Variants in ANKRD26 observed in about 807,000 individuals in gnomAD.
ANKRD26 encodes ankyrin repeat domain-containing protein 26.
A neutral mutation model predicts 208.7 loss-of-function variants in ANKRD26; 141 were observed. The ratio of observed to expected loss-of-function variants is 0.68; its 90% CI spans 0.59 to 0.78. The LOEUF is 0.78. Among genes scored for constraint, ANKRD26 ranks in the 30% least tolerant of loss-of-function variants. The pLI is 0.00. For missense variants in ANKRD26, 1,889 were observed against 1,938.7 expected, an observed-to-expected ratio of 0.97 and a Z score of 0.48; for synonymous variants, 636 against 660.4, an observed-to-expected ratio of 0.96 and a Z score of 0.57.
At chr10:26,972,641 A>AGT (rs1328425227), downstream of ANKRD26, among the ~76,000 whole-genome samples, 1 of 133,204 alleles carries the variant, frequency 7.5e-6, no homozygotes, top group African/African-American at 3.0e-5. Flanking sequence ...CCCAGGCTGG[A>AGT]GTGCAGTGGT....
intron 3 of ANKRD26, 50 bp downstream of exon 3, chr10:27,093,299 G>C (rs200555734): frequency 1.3e-6 from 2 of 1,555,024 alleles, no homozygotes; most frequent in Non-Finnish European, 1.8e-6. Context: ...TGTCACTGTT[G>C]AAACAAACGC....
chr10:26,955,428 C>CA, the ANKRD26 span, among the ~76,000 whole-genome samples: 167 of 140,542 alleles, frequency 1.2e-3, 1 homozygote, highest in Middle Eastern at 0.011. Flanking sequence ...AACTCCATCT[C>CA]AAAAAAAAAA....
intron 12 of ANKRD26, 65 bp from the exon 13 acceptor site, chr10:27,061,307 G>T: frequency 9.4e-7 from 1 of 1,058,388 alleles, no homozygotes. Context: ...AAATTTAATT[G>T]CCACAGAATT....
chr10:26,972,042 T>C (rs182983568), downstream of ANKRD26, among the ~76,000 whole-genome samples: 1,991 of 152,068 alleles, frequency 0.013, 39 homozygotes, highest in African/African-American at 0.043. Context: ...GAGACCATCC[T>C]GGCTAACACG....
At chr10:27,059,682 G>T (rs1038091161) in intron 15 of ANKRD26, among the ~76,000 whole-genome samples, 2 of 151,664 alleles carry the variant, frequency 1.3e-5, no homozygotes, top group Non-Finnish European at 2.9e-5. Flanking sequence ...AGGCTAAAGC[G>T]GGCGGATCAC....
At chr10:27,000,178 A>G (rs2052690924), downstream of ANKRD26, among the ~76,000 whole-genome samples, 1 of 152,234 alleles carries the variant, frequency 6.6e-6, no homozygotes, top group Admixed American at 6.5e-5. Flanking sequence ...GGACCCAGAT[A>G]GACCATGCCT....
chr10:26,973,649 C>CTTTTTTTTTTTTTTTTTTTTTTTTTCT (rs71386903), downstream of ANKRD26, among the ~76,000 whole-genome samples: 2 of 88,428 alleles, frequency 2.3e-5, no homozygotes, highest in Non-Finnish European at 4.0e-5. Context: ...TTTATTTGTC[C>CTTTTTTTTTTTTTTTTTTTTTTTTTCT]TTTTTTTTTT....
chr10:27,002,282 A>T (rs1222895599), downstream of ANKRD26, among the ~76,000 whole-genome samples: 1 of 152,196 alleles, frequency 6.6e-6, no homozygotes, highest in Non-Finnish European at 1.5e-5. Context: ...AAGAGGATTG[A>T]ACAAATCAGT....
the ANKRD26 span, among the ~76,000 whole-genome samples, chr10:26,963,741 C>T: frequency 3.3e-5 from 5 of 152,090 alleles, no homozygotes; most frequent in African/African-American, 1.2e-4. Flanking sequence ...ATAACCTACA[C>T]ACACCCTTTC....
intron 25 of ANKRD26, among the ~76,000 whole-genome samples, chr10:27,032,741 G>A (rs1355939251): frequency 2.0e-5 from 3 of 152,054 alleles, no homozygotes; most frequent in Non-Finnish European, 2.9e-5. Flanking sequence ...CTTGAACCGG[G>A]GAGGTGAAGG....
intron 29 of ANKRD26, among the ~76,000 whole-genome samples, chr10:27,018,459 A>C (rs2053379483): frequency 6.6e-6 from 1 of 152,006 alleles, no homozygotes; most frequent in Non-Finnish European, 1.5e-5. Flanking sequence ...ATTTCTAAAG[A>C]AGTTTTCGGA....
At chr10:27,072,230 C>G (rs573889010) in intron 9 of ANKRD26, among the ~76,000 whole-genome samples, 5 of 152,362 alleles carry the variant, frequency 3.3e-5, no homozygotes, top group African/African-American at 1.2e-4. Context: ...ATCCAGCTTG[C>G]TGCTGCCAGC....
chr10:27,091,836 A>T (rs891985172), intron 4 of ANKRD26, among the ~76,000 whole-genome samples: 2 of 152,104 alleles, frequency 1.3e-5, no homozygotes, highest in Middle Eastern at 3.4e-3. Flanking sequence ...AAAATACAAA[A>T]ATTAGTCAGG....
chr10:26,952,161 C>T, the ANKRD26 span, among the ~76,000 whole-genome samples: 117 of 152,246 alleles, frequency 7.7e-4, 2 homozygotes, highest in South Asian at 0.016. Context: ...ACTTGCTTGT[C>T]CCGTCCCATG....
the ANKRD26 span, among the ~76,000 whole-genome samples, chr10:26,948,024 C>T: frequency 6.6e-6 from 1 of 151,990 alleles, no homozygotes; most frequent in Non-Finnish European, 1.5e-5. Flanking sequence ...TCACTGCGTC[C>T]TCCACATTCA....
At chr10:27,031,090 T>A (rs2053850979) in intron 25 of ANKRD26, among the ~76,000 whole-genome samples, 1 of 152,212 alleles carries the variant, frequency 6.6e-6, no homozygotes, top group Admixed American at 6.5e-5. Flanking sequence ...GGGGGAATTG[T>A]GTGCCAGGTC....
At chr10:27,047,739 A>AATTATTATTATT (rs1193095720) in intron 17 of ANKRD26, among the ~76,000 whole-genome samples, 9 of 49,280 alleles carry the variant, frequency 1.8e-4, no homozygotes, top group African/African-American at 3.4e-4. Context: ...TAATAATAAT[A>AATTATTATTATT]ATTATTATTA....
At chr10:26,992,680 T>C (rs1031376484) in intron 5 of ANKRD26, among the ~76,000 whole-genome samples, 2 of 152,158 alleles carry the variant, frequency 1.3e-5, no homozygotes, top group Non-Finnish European at 2.9e-5. Context: ...TATTACAACA[T>C]TGTAAGCAAA....
At chr10:26,994,299 G>A (rs2052540992) in intron 5 of ANKRD26, among the ~76,000 whole-genome samples, 1 of 152,188 alleles carries the variant, frequency 6.6e-6, no homozygotes. Flanking sequence ...ACAAAAAACA[G>A]ATCAGGAGTA....
Sources: gnomAD v4.1 joint callset for allele counts (sites outside exome capture counted in the v4.1 genomes callset) on GRCh38, gnomAD v4.1.1 for gene constraint, MANE v1.5 for transcripts, NCBI Gene and HGNC (gene_info 2026-07-23, HGNC 2026-07-21) for gene names.